The following RERE variants were observed in gnomAD, a reference collection of about 807,000 sequenced individuals.
The protein encoded by RERE is arginine-glutamic acid dipeptide repeats protein.
A neutral mutation model predicts 146.1 loss-of-function variants in RERE; 40 were observed. The ratio of observed to expected loss-of-function variants is 0.27; its 90% CI spans 0.21 to 0.36. The LOEUF is 0.36. RERE is among the 10% of genes least tolerant of loss of function. The pLI, the probability that RERE is intolerant of heterozygous loss-of-function variation, is 1.00. For missense variants in RERE, 1,933 were observed against 2,138.7 expected, an observed-to-expected ratio of 0.90 and a Z score of 1.90; for synonymous variants, 1,003 against 866.0, an observed-to-expected ratio of 1.16 and a Z score of -2.78.
intron 12 of RERE, among the ~76,000 whole-genome samples, chr1:8,407,763 G>A (rs1362646691): frequency 1.3e-5 from 2 of 152,124 alleles, no homozygotes; most frequent in African/African-American, 4.8e-5. Flanking sequence ...TAAATACAAG[G>A]TCAAAGCAGC....
At chr1:8,566,813 C>T (rs1456185522) in intron 4 of RERE, among the ~76,000 whole-genome samples, 1 of 145,398 alleles carries the variant, frequency 6.9e-6, no homozygotes, top group East Asian at 2.0e-4. Context: ...TTTTTTGAGA[C>T]GGAGTCTCAC....
intron 4 of RERE, among the ~76,000 whole-genome samples, chr1:8,560,724 T>C (rs1359962290): frequency 6.6e-6 from 1 of 152,208 alleles, no homozygotes; most frequent in Non-Finnish European, 1.5e-5. Flanking sequence ...TTGTAACCAA[T>C]AGTTCACAGA....
chr1:8,457,654 G>C (rs549558197), intron 11 of RERE, among the ~76,000 whole-genome samples: 1 of 152,182 alleles, frequency 6.6e-6, no homozygotes, highest in South Asian at 2.1e-4. Flanking sequence ...CCAGACTGGA[G>C]TGCAGTGGCA....
chr1:8,511,052 C>A (rs1297270137), intron 7 of RERE, among the ~76,000 whole-genome samples: 1 of 152,112 alleles, frequency 6.6e-6, no homozygotes, highest in African/African-American at 2.4e-5. Flanking sequence ...CCGCACTCAC[C>A]GCCCAACCCC....
Position 8,360,116 on chromosome 1 carries a change from C to A in RERE, c.3391G>T (p.Ala1131Ser). The A allele has an allele frequency of 6.3e-7, 1 of 1,580,104 alleles. No individual in the cohort carries two copies. Among genetic ancestry groups the A allele is most frequent in the Non-Finnish European group, 8.6e-7 (1 of 1,161,380 alleles). Residue 1131 changes from alanine to serine, a missense_variant, in exon 18 of 23, where the codon GCT becomes TCT. Ala to Ser is a moderately conservative substitution (Grantham distance 99, BLOSUM62 1). Transcript: ENST00000400908. ...CTGGAGCCCTAGGAAGCGTACCTAG[C>A]TGACTGGCTGGCGTGACTGGGGGTG... ...VDTPSHASQS[A>S]RFYKHLDRGY...
At chr1:8,593,742 C>A (rs897109339) in intron 4 of RERE, among the ~76,000 whole-genome samples, 1 of 152,230 alleles carries the variant, frequency 6.6e-6, no homozygotes, top group Non-Finnish European at 1.5e-5. Context: ...CAGATACTTT[C>A]AGCTTCTCTA....
In RERE at chr1:8,359,794, T is replaced by C. The variant is rs149634880; in HGVS notation, c.3588A>G (p.Arg1196=). Residue 1196 remains arginine, a synonymous_variant, in exon 19 of 23, where the codon CGA becomes CGG. Coordinates refer to ENST00000400908, the MANE Select transcript of RERE (RefSeq NM_001042681.2). The part of the protein sequence containing the change: ...KEKEKERERE[R]EREREAERAA... ...CCCGCTCTGCCTCGCGCTCCCGCTC[T>C]CGCTCCCGCTCCCGCTCCTTCTCCT... 1,953 of 1,601,610 alleles carry C rather than the reference T, an allele frequency of 1.2e-3. 4 individuals carry two copies. The highest frequency in any genetic ancestry group is 1.5e-3 in the Non-Finnish European group (1,798 of 1,178,764).
chr1:8,521,668 C>G (rs746169647), intron 7 of RERE, among the ~76,000 whole-genome samples: 12 of 152,092 alleles, frequency 7.9e-5, no homozygotes, highest in Non-Finnish European at 1.5e-4. Context: ...TCCAGATTAC[C>G]CATGAGAAAA....
At chr1:8,594,136 C>T (rs1570481696) in intron 4 of RERE, among the ~76,000 whole-genome samples, 1 of 151,998 alleles carries the variant, frequency 6.6e-6, no homozygotes, top group African/African-American at 2.4e-5. Flanking sequence ...TGAGAATAAC[C>T]CTATGAAGCA....
intron 1 of RERE, among the ~76,000 whole-genome samples, chr1:8,692,881 CT>C (rs949081828): frequency 6.6e-6 from 1 of 152,090 alleles, no homozygotes; most frequent in Non-Finnish European, 1.5e-5. Flanking sequence ...TGTATTATTC[CT>C]TTTTACATCT....
chr1:8,552,596 A>G (rs892321049), intron 6 of RERE, among the ~76,000 whole-genome samples: 14 of 151,994 alleles, frequency 9.2e-5, no homozygotes, highest in South Asian at 2.1e-4. Flanking sequence ...AGAAAATTGG[A>G]AAAAAAAGGT....
At chr1:8,498,709 A>T (rs1367712765) in intron 8 of RERE, among the ~76,000 whole-genome samples, 1 of 131,670 alleles carries the variant, frequency 7.6e-6, no homozygotes. Context: ...AAAAAAAAAA[A>T]TAAAAAAAAA....
rs1454730626 is a variant in RERE at position 8,358,914 on chromosome 1, C to T, written c.3621G>A (p.Lys1207=). The change falls in exon 20 of 23, where the codon AAG becomes AAA. Residue 1207 remains lysine, a splice_region_variant and synonymous_variant. Transcript: ENST00000400908. ...EREREAERAA[K]ASSSAHEGRL... is the part of the protein sequence containing the mutation. ...GACCTTCATGCGCTGAGCTGGACGC[C>T]TTCTGCAGAAGGAAAAGAAAGCGTG... is the stretch of plus-strand genomic sequence containing the variant. 2 of 1,519,622 alleles carry T rather than the reference C, an allele frequency of 1.3e-6. No individual in the cohort carries two copies. The highest frequency in any genetic ancestry group is 1.8e-6 in the Non-Finnish European group (2 of 1,136,542). 94.1% of individuals were successfully genotyped at this position (1,519,622 alleles called of 1,614,324 possible).
intron 1 of RERE, among the ~76,000 whole-genome samples, chr1:8,691,383 ACC>A (rs764820090): frequency 1.3e-4 from 20 of 152,162 alleles, no homozygotes; most frequent in Non-Finnish European, 2.6e-4. Flanking sequence ...AGCCTTGGGA[ACC>A]CCTTTATAAA....
chr1:8,522,689 T>C (rs1645517120), intron 7 of RERE, among the ~76,000 whole-genome samples: 1 of 151,428 alleles, frequency 6.6e-6, no homozygotes, highest in African/African-American at 2.4e-5. Context: ...CTGGCCAATA[T>C]GGTGAAACCC....
intron 16 of RERE, among the ~76,000 whole-genome samples, chr1:8,362,193 T>G (rs1358269425): frequency 6.6e-6 from 1 of 152,196 alleles, no homozygotes; most frequent in Non-Finnish European, 1.5e-5. Flanking sequence ...TCTCCTGAAC[T>G]AGACAGTGGA....
intron 11 of RERE, among the ~76,000 whole-genome samples, chr1:8,449,704 T>C (rs17032601): frequency 0.034 from 5,185 of 152,334 alleles, 132 homozygotes; most frequent in African/African-American, 0.06. Context: ...TGAAAGTTAT[T>C]GAGTCCTAAA....
At chr1:8,380,262 C>CA (rs1431655166) in intron 12 of RERE, among the ~76,000 whole-genome samples, 1 of 152,132 alleles carries the variant, frequency 6.6e-6, no homozygotes, top group East Asian at 1.9e-4. Flanking sequence ...AGCCTCAGAG[C>CA]AAGCCATGCT....
chr1:8,499,890 CG>C (rs555536491), intron 8 of RERE, among the ~76,000 whole-genome samples: 167 of 152,328 alleles, frequency 1.1e-3, no homozygotes, highest in African/African-American at 3.9e-3. Flanking sequence ...GAGGCCGAGG[CG>C]GGCAGATCAC....
Sources: allele counts gnomAD v4.1 joint callset (sites outside exome capture counted in the v4.1 genomes callset), GRCh38; gene constraint gnomAD v4.1.1; transcripts MANE v1.5; gene names NCBI Gene and HGNC (gene_info 2026-07-23, HGNC 2026-07-21).